FASTKD1: variants seen among roughly 807,000 people sequenced by gnomAD.
The protein encoded by FASTKD1 is FAST kinase domain-containing protein 1, mitochondrial.
Under a neutral mutation model 90.9 loss-of-function variants are expected in FASTKD1, and 94 were observed. The observed-to-expected ratio is 1.03, with a 90% CI of 0.88 to 1.23. The LOEUF (loss-of-function observed/expected upper bound fraction) is 1.23. Ranked by LOEUF, FASTKD1 falls within the 50% of genes most tolerant of loss-of-function variation. The pLI, the probability that FASTKD1 is intolerant of heterozygous loss-of-function variation, is 0.00. For missense variants in FASTKD1, 945 were observed against 993.5 expected, an observed-to-expected ratio of 0.95 and a Z score of 0.66; for synonymous variants, 319 against 345.8, an observed-to-expected ratio of 0.92 and a Z score of 0.86.
At chr2:169,569,113 C>T (rs376369512) in intron 3 of FASTKD1, 71 bp downstream of exon 3, 19 of 1,261,130 alleles carry the variant, frequency 1.5e-5, no homozygotes, top group East Asian at 6.9e-5. Context: ...CTGTTCTTTC[C>T]CTTCAAGATT....
At chr2:169,567,098 G>C (rs915099845) in intron 3 of FASTKD1, among the ~76,000 whole-genome samples, 12 of 150,888 alleles carry the variant, frequency 8.0e-5, no homozygotes, top group African/African-American at 2.9e-4. Context: ...CTGGGCAACA[G>C]AGCGAGACTC....
In FASTKD1 at chr2:169,560,649, AC is replaced by A; in HGVS notation, c.708del (p.Lys236AsnfsTer14). The A allele has an allele frequency of 6.2e-7, 1 of 1,613,132 alleles. No homozygotes were observed. The highest frequency in any genetic ancestry group is 8.5e-7 in the Non-Finnish European group (1 of 1,179,754). ...SEVNVAKSIA[K>X]FLRNVRYRYQ... is the part of the protein sequence containing the mutation. ...TAACGATATCTAACATTTCGAAGAA[AC>A]TTTGCTATGCTTTTTGCAACGTTGA... On this transcript the variant is annotated frameshift_variant, in exon 5 of 15. Transcript: ENST00000453153. LOFTEE classifies it high-confidence loss of function.
In FASTKD1 at chr2:169,561,756, T is replaced by TTTATTAATTTATTATAAA. The variant is rs1559156450; in HGVS notation, c.573-972_573-971insTTTATAATAAATTAATAA. 2.9e-3 allele frequency among the ~76,000 whole-genome samples: 370 copies of TTTATTAATTTATTATAAA among 127,992 alleles called. 11 individuals are homozygous for TTTATTAATTTATTATAAA. The highest frequency in any genetic ancestry group is 4.4e-3 in the Middle Eastern group (1 of 228). The allele number at this position is 127,992 out of a possible 152,430, so 84.0% of individuals were successfully genotyped here. On this transcript the variant is annotated intron_variant, in intron 4 of 14. Transcript: ENST00000453153. ...TAAATTAATTATTCATTATAAATTA[T>TTTATTAATTTATTATAAA]TTATTAATTTATTGTAAATTATTTA...
intron 10 of FASTKD1, 78 bp from the exon 11 acceptor site, chr2:169,538,219 T>G: frequency 1.7e-6 from 2 of 1,198,936 alleles, no homozygotes; most frequent in Non-Finnish European, 2.4e-6. Context: ...CATTCATTTA[T>G]CCCCACTATT....
chr2:169,531,918 G>C (rs1265930117), intron 12 of FASTKD1, among the ~76,000 whole-genome samples: 1 of 152,168 alleles, frequency 6.6e-6, no homozygotes, highest in Admixed American at 6.5e-5. Flanking sequence ...ATATGGGAAA[G>C]TCCTTTTTAG....
chr2:169,531,674 G>C, intron 12 of FASTKD1, 184 bp from the exon 13 acceptor site: 1 of 510,290 alleles, frequency 2.0e-6, no homozygotes, highest in Non-Finnish European at 3.4e-6. Flanking sequence ...CCTCTCTTTG[G>C]AAATCAATCA....
chr2:169,536,416 A>G (rs574613112), intron 12 of FASTKD1, among the ~76,000 whole-genome samples: 187 of 152,026 alleles, frequency 1.2e-3, no homozygotes, highest in Non-Finnish European at 2.3e-3. Flanking sequence ...AAATATATAT[A>G]TATATATTAA....
intron 7 of FASTKD1, among the ~76,000 whole-genome samples, chr2:169,546,959 T>C (rs1685235138): frequency 6.6e-6 from 1 of 152,130 alleles, no homozygotes; most frequent in Non-Finnish European, 1.5e-5. Flanking sequence ...ACAATCTACC[T>C]GGGGACAGTG....
At chr2:169,538,248 A>G in intron 10 of FASTKD1, 107 bp from the exon 11 acceptor site, 2 of 902,062 alleles carry the variant, frequency 2.2e-6, no homozygotes, top group Non-Finnish European at 3.4e-6. Flanking sequence ...CTTTTATTCT[A>G]ACAGTATTTA....
chr2:169,545,280 T>C (rs1260162216), intron 8 of FASTKD1, among the ~76,000 whole-genome samples: 1 of 152,340 alleles, frequency 6.6e-6, no homozygotes, highest in Admixed American at 6.5e-5. Context: ...CTAAATTGAA[T>C]AGGAAACAGT....
chr2:169,541,579 G>A (rs1478584553), intron 9 of FASTKD1, among the ~76,000 whole-genome samples: 1 of 152,150 alleles, frequency 6.6e-6, no homozygotes, highest in Non-Finnish European at 1.5e-5. Flanking sequence ...GTTAGATGCT[G>A]TCTGGCCCAT....
At chr2:169,536,750 C>T (rs2683422) in intron 12 of FASTKD1, among the ~76,000 whole-genome samples, 52,859 of 152,064 alleles carry the variant, frequency 0.35, 10,114 homozygotes, top group East Asian at 0.48. Context: ...CATTCTACAA[C>T]TAGACCAGTT....
chr2:169,563,160 A>T, intron 4 of FASTKD1, 65 bp downstream of exon 4: 1 of 1,496,066 alleles, frequency 6.7e-7, no homozygotes, highest in Non-Finnish European at 9.2e-7. Flanking sequence ...AGCAAATCTG[A>T]CTGCATCCAC....
intron 2 of FASTKD1, among the ~76,000 whole-genome samples, chr2:169,571,427 G>C (rs1047319309): frequency 9.9e-5 from 15 of 151,348 alleles, no homozygotes; most frequent in Non-Finnish European, 4.4e-5. Flanking sequence ...AGCCGGGCGT[G>C]GTGGCAGGCG....
intron 4 of FASTKD1, among the ~76,000 whole-genome samples, chr2:169,562,622 T>C (rs556305161): frequency 6.6e-6 from 1 of 152,136 alleles, no homozygotes; most frequent in East Asian, 1.9e-4. Context: ...AACTTCTATG[T>C]TCTAGATACT....
chr2:169,560,388 GTT>G lies in FASTKD1; in HGVS notation c.968_969del (p.Lys323ThrfsTer3). ...TAATGCATTTTAAACTGAACTTACT[GTT>G]TCTTTTCTTCAGGTCCTGCAATGGG... Reference protein sequence around the residue: ...LGPIAGPEEKKQLKSTMLLMS... With the variant: ...LGPIAGPEEKXQLKSTMLLMS... On this transcript the variant is annotated frameshift_variant and splice_region_variant, in exon 5 of 15. Transcript: ENST00000453153. LOFTEE classifies it high-confidence loss of function. The G allele has an allele frequency of 1.3e-6, 2 of 1,531,346 alleles. No individual in the cohort carries two copies. The highest frequency in any genetic ancestry group is 1.7e-6 in the Non-Finnish European group (2 of 1,148,450). The allele number at this position is 1,531,346 out of a possible 1,614,324, so 94.9% of individuals were successfully genotyped here. A position where few individuals can be genotyped will look rare whatever the true frequency, so the allele number is the denominator to read the frequency against.
Position 169,546,408 on chromosome 2 carries a change from A to G in FASTKD1, c.1511T>C (p.Leu504Pro), listed in dbSNP as rs1685198499. ...AAACGTGTTTCCTTTGAGAGATTTA[A>G]GTTCCTTCCGTAACAGATCCAAACT... Reference protein sequence around the residue: ...SNSLDLLRKELKSLKGNTFPE... With the variant: ...SNSLDLLRKEPKSLKGNTFPE... Residue 504 changes from leucine (L) to proline (P), a missense_variant, in exon 8 of 15, where the codon CTT (leucine) becomes CCT (proline). Transcript: ENST00000453153. 1 of 1,614,080 alleles carries G rather than the reference A, an allele frequency of 6.2e-7. No homozygotes were observed. Among genetic ancestry groups the G allele is most frequent in the Non-Finnish European group, 8.5e-7 (1 of 1,180,038 alleles).
At position 169,560,747 on chromosome 2, in the gene FASTKD1, A is replaced by G. The variant is rs1683552754; in HGVS notation, c.611T>C (p.Ile204Thr). The change falls in exon 5 of 15, where the codon ATA (isoleucine) becomes ACA (threonine). Residue 204 changes from isoleucine to threonine, a missense_variant. Transcript: ENST00000453153. ...SVLMVNISSL[I>T]SRHFQQQLVN... ...CAGTTGTTGTTGAAAATGTCGTGAT[A>G]TTAAAGAAGATATGTTGACCATCAA... 1.3e-6 allele frequency: 2 copies of G among 1,592,322 alleles called. No homozygotes were observed. The highest frequency in any genetic ancestry group is 2.3e-5 in the South Asian group (2 of 86,464).
chr2:169,571,592 T>C (rs1461450433), intron 2 of FASTKD1, 61 bp downstream of exon 2: 6 of 1,114,550 alleles, frequency 5.4e-6, no homozygotes, highest in Non-Finnish European at 7.4e-6. Flanking sequence ...AAAGAGATTT[T>C]TAGAAAATTA....
Sources: allele counts gnomAD v4.1 joint callset (sites outside exome capture counted in the v4.1 genomes callset), GRCh38; gene constraint gnomAD v4.1.1; transcripts MANE v1.5; gene names NCBI Gene and HGNC (gene_info 2026-07-23, HGNC 2026-07-21).